EMID1: variants seen among roughly 807,000 people sequenced by gnomAD.
The protein encoded by EMID1 is EMI domain-containing protein 1.
EMID1 carries 40 observed loss-of-function variants against 60.6 expected under a neutral mutation model. The observed-to-expected ratio is 0.66, with a 90% CI of 0.51 to 0.86. The LOEUF (loss-of-function observed/expected upper bound fraction) is 0.86, where lower values mean the gene tolerates loss of function less well. Ranked by LOEUF, EMID1 falls within the 40% of genes least tolerant of loss-of-function variation. EMID1 has a pLI of 0.00. For synonymous variants in EMID1, 242 were observed against 231.0 expected (o/e 1.05, Z -0.43); for missense variants, 585 against 597.1 (o/e 0.98, Z 0.21).
intron 13 of EMID1, among the ~76,000 whole-genome samples, chr22:29,253,525 T>A (rs1231467082): frequency 6.6e-6 from 1 of 152,072 alleles, no homozygotes. Flanking sequence ...GAGGTTGCGG[T>A]GAGCTGAGAT....
chr22:29,255,259 ATC>A (rs1445588645), intron 14 of EMID1: 2 of 1,275,018 alleles, frequency 1.6e-6, no homozygotes, highest in East Asian at 9.1e-5. Context: ...GCTCTTCTCC[ATC>A]TCCCATCAGG....
intron 1 of EMID1, among the ~76,000 whole-genome samples, chr22:29,214,304 G>A (rs2040000487): frequency 6.6e-6 from 1 of 152,174 alleles, no homozygotes; most frequent in Non-Finnish European, 1.5e-5. Flanking sequence ...GGTCAGGGTG[G>A]AGATGGGAAA....
intron 12 of EMID1, among the ~76,000 whole-genome samples, chr22:29,240,177 G>GTTGTT (rs1223979263): frequency 6.6e-6 from 1 of 152,124 alleles, no homozygotes. Context: ...TGTCTCAGTT[G>GTTGTT]TTGTTTTGTT....
chr22:29,231,442 A>AC lies in EMID1; in HGVS notation c.587-143dup, dbSNP rs3835212. ...CCAGCAGGGACACTGACCTCTGCCT[A>AC]CCCCCCCCACCCCAGGGCTGCCAGG... On this transcript the variant is annotated intron_variant, in intron 6 of 14. Coordinates refer to ENST00000334018, the MANE Select transcript of EMID1 (RefSeq NM_133455.4). 767 of 867,556 alleles carry AC rather than the reference A, an allele frequency of 8.8e-4. 1 individual carries two copies. The highest frequency in any genetic ancestry group is 2.2e-3 in the African/African-American group (128 of 59,172). The allele number at this position is 867,556 out of a possible 1,614,324, so 53.7% of individuals were successfully genotyped here.
chr22:29,257,021 T>G (rs1387353802), intron 14 of EMID1, among the ~76,000 whole-genome samples: 5 of 152,162 alleles, frequency 3.3e-5, no homozygotes, highest in Non-Finnish European at 2.9e-5. Flanking sequence ...CCACCTCCTC[T>G]CTGAGGATTG....
chr22:29,210,250 AT>A (rs132374), intron 1 of EMID1, among the ~76,000 whole-genome samples: 99,710 of 126,902 alleles, frequency 0.79, 39,907 homozygotes, highest in Non-Finnish European at 0.88. Context: ...CACATGGCAA[AT>A]TTTTTTTTTT....
chr22:29,215,341 A>T (rs1231727806), intron 2 of EMID1, 186 bp from the exon 3 acceptor site: 1 of 938,008 alleles, frequency 1.1e-6, no homozygotes, highest in African/African-American at 1.8e-5. Flanking sequence ...CCAATCTCCA[A>T]TCCCTGTGGC....
At position 29,234,184 on chromosome 22, in the gene EMID1, A is replaced by C. The variant is rs1277522479; in HGVS notation, c.1014A>C (p.Gly338=). ...CCAAAGGAATCTCTGGCCACCCAGG[A>C]GAGAAGGGCGAGAGAGTGAGTACCC... is the stretch of plus-strand genomic sequence containing the variant. ...TGPKGISGHP[G]EKGERGLRGE... The change falls in exon 11 of 15, where the codon GGA becomes GGC. Residue 338 remains glycine (G), a synonymous_variant. Coordinates refer to ENST00000334018, the MANE Select transcript of EMID1 (RefSeq NM_133455.4). 6.2e-7 allele frequency: 1 copy of C among 1,604,682 alleles called. No homozygotes were observed. Among genetic ancestry groups the C allele is most frequent in the Admixed American group, 1.7e-5 (1 of 58,664 alleles).
intron 13 of EMID1, 136 bp from the exon 14 acceptor site, chr22:29,254,067 T>G: frequency 6.5e-7 from 1 of 1,550,340 alleles, no homozygotes; most frequent in South Asian, 1.2e-5. Context: ...GTTCTGGCTG[T>G]CCATGGACCC....
chr22:29,225,525 G>A (rs1297630700), intron 4 of EMID1, among the ~76,000 whole-genome samples: 2 of 152,236 alleles, frequency 1.3e-5, no homozygotes, highest in Non-Finnish European at 2.9e-5. Context: ...AGCATCAGCA[G>A]TGCTGGAGGC....
chr22:29,210,254 T>C (rs13054988), intron 1 of EMID1, among the ~76,000 whole-genome samples: 4,830 of 150,278 alleles, frequency 0.032, 110 homozygotes, highest in African/African-American at 0.046. Flanking sequence ...TGGCAAATTT[T>C]TTTTTTTTTT....
intron 1 of EMID1, among the ~76,000 whole-genome samples, chr22:29,210,909 A>G (rs2039857889): frequency 6.6e-6 from 1 of 151,978 alleles, no homozygotes; most frequent in African/African-American, 2.4e-5. Flanking sequence ...GAAGATGGCC[A>G]ACAGTACCCT....
chr22:29,243,627 G>C (rs2041228001), intron 13 of EMID1, 138 bp downstream of exon 13: 1 of 1,048,414 alleles, frequency 9.5e-7, no homozygotes, highest in South Asian at 1.5e-5. Context: ...CCAGGCAGGA[G>C]CCTTGGCAAT....
Position 29,206,049 on chromosome 22 carries a change from C to T in EMID1, c.11C>T (p.Pro4Leu). 8.1e-7 allele frequency: 1 copy of T among 1,227,720 alleles called. No individual in the cohort carries two copies. The highest frequency in any genetic ancestry group is 1.0e-6 in the Non-Finnish European group (1 of 985,436). The allele number at this position is 1,227,720 out of a possible 1,614,324, so 76.1% of individuals were successfully genotyped here. Residue 4 changes from proline to leucine, a missense_variant, in exon 1 of 15, where the codon CCG becomes CTG. Transcript: ENST00000334018. MGG[P>L]RAWALLCLGL... ...GGCGCCTGGTGCAGCATGGGCGGCC[C>T]GCGGGCTTGGGCGCTGCTCTGCCTC...
At chr22:29,218,045 C>T (rs989650652) in intron 3 of EMID1, among the ~76,000 whole-genome samples, 2 of 152,002 alleles carry the variant, frequency 1.3e-5, no homozygotes, top group East Asian at 3.8e-4. Context: ...TGACTTGGGG[C>T]AAGTCACTTC....
chr22:29,224,464 AG>A (rs1380680280), intron 3 of EMID1, among the ~76,000 whole-genome samples: 6 of 152,064 alleles, frequency 3.9e-5, no homozygotes, highest in Non-Finnish European at 7.4e-5. Flanking sequence ...GGGGAGGGTG[AG>A]GGGGGTTCTC....
In EMID1 at chr22:29,233,617, C is replaced by T. The variant is rs767363336; in HGVS notation, c.917C>T (p.Pro306Leu). The change falls in exon 10 of 15, where the codon CCC becomes CTC. Residue 306 changes from proline (P) to leucine (L), a missense_variant. By Grantham distance (98) the Pro-to-Leu change is moderately conservative. Transcript: ENST00000334018. ...GPPGPPGPMG[P>L]PGPPGPTGVP... ...AGGACATCCTGTCTTTTTCCAGGTC[C>T]CCCTGGGCCTCCTGGCCCCACAGGT... is the stretch of plus-strand genomic sequence containing the variant. 6.2e-7 allele frequency: 1 copy of T among 1,613,642 alleles called. No individual in the cohort carries two copies. Among genetic ancestry groups the T allele is most frequent in the Non-Finnish European group, 8.5e-7 (1 of 1,179,646 alleles).
chr22:29,250,718 C>A (rs562653346), intron 13 of EMID1, among the ~76,000 whole-genome samples: 20 of 145,792 alleles, frequency 1.4e-4, no homozygotes, highest in African/African-American at 5.0e-4. Flanking sequence ...AGGCATGCAC[C>A]ACCACACCCG....
At chr22:29,234,017 TG>T in intron 10 of EMID1, 119 bp from the exon 11 acceptor site, 1 of 1,111,884 alleles carries the variant, frequency 9.0e-7, no homozygotes, top group Non-Finnish European at 1.3e-6. Flanking sequence ...GCTGGGTGTA[TG>T]GTGAAGAACC....
Sources: gnomAD v4.1 joint callset for allele counts (sites outside exome capture counted in the v4.1 genomes callset) on GRCh38, gnomAD v4.1.1 for gene constraint, MANE v1.5 for transcripts, NCBI Gene and HGNC (gene_info 2026-07-23, HGNC 2026-07-21) for gene names.